The following OSBPL8 variants were observed in gnomAD, a reference collection of about 807,000 sequenced individuals.
The protein encoded by OSBPL8 is oxysterol-binding protein-related protein 8.
OSBPL8 carries 59 observed loss-of-function variants against 125.5 expected under a neutral mutation model. The ratio of observed to expected loss-of-function variants is 0.47; its 90% CI spans 0.38 to 0.58. The LOEUF (loss-of-function observed/expected upper bound fraction) is 0.58. Among genes scored for constraint, OSBPL8 ranks in the 20% least tolerant of loss-of-function variants. The pLI is 0.00. For synonymous variants in OSBPL8, 330 were observed against 338.9 expected, an observed-to-expected ratio of 0.97 and a Z score of 0.29; for missense variants, 758 against 1,047.8, an observed-to-expected ratio of 0.72 and a Z score of 3.82.
chr12:76,434,547 A>C (rs1454215490), intron 4 of OSBPL8, among the ~76,000 whole-genome samples: 2 of 152,192 alleles, frequency 1.3e-5, no homozygotes, highest in East Asian at 1.9e-4. Flanking sequence ...GAAACAATCA[A>C]CATAGTGAAA....
At chr12:76,400,100 A>G (rs1188115932) in intron 6 of OSBPL8, 126 bp from the exon 7 acceptor site, 1 of 681,584 alleles carries the variant, frequency 1.5e-6, no homozygotes, top group African/African-American at 1.8e-5. Flanking sequence ...TGTTGTACAT[A>G]TTTTATCATT....
rs908589470 is a variant in OSBPL8 at position 76,352,920 on chromosome 12, T to G, written c.*2969A>C. On this transcript the variant is annotated 3_prime_UTR_variant, in exon 24 of 24. Transcript: ENST00000261183. ...AATCTGACAAGTCTACATCAATGTC[T>G]GAGTAAAGAATAGGTAAATAGACAA... is the stretch of plus-strand genomic sequence containing the variant. The G allele has an allele frequency of 3.9e-5, 6 of 152,494 alleles. No individual in the cohort carries two copies. The highest frequency in any genetic ancestry group is 1.4e-4 in the African/African-American group (6 of 41,442). 9.4% of individuals were successfully genotyped at this position (152,494 alleles called of 1,614,324 possible).
At chr12:76,508,381 T>C (rs1880636761) in intron 1 of OSBPL8, among the ~76,000 whole-genome samples, 1 of 152,202 alleles carries the variant, frequency 6.6e-6, no homozygotes, top group African/African-American at 2.4e-5. Context: ...TGTATGGCAG[T>C]GGTCTCATTA....
intron 18 of OSBPL8, 113 bp from the exon 19 acceptor site, chr12:76,371,697 A>G (rs1399830895): frequency 8.3e-5 from 83 of 1,003,328 alleles, no homozygotes; most frequent in Non-Finnish European, 1.1e-4. Flanking sequence ...AGTTAAAAGC[A>G]TTTTTAAAAC....
At chr12:76,435,796 A>G (rs1871376379) in intron 4 of OSBPL8, among the ~76,000 whole-genome samples, 1 of 152,190 alleles carries the variant, frequency 6.6e-6, no homozygotes, top group South Asian at 2.1e-4. Flanking sequence ...AAATCACCCT[A>G]GTGGGTCTTC....
At chr12:76,403,410 A>AC (rs2136367041) in intron 5 of OSBPL8, among the ~76,000 whole-genome samples, 1 of 152,298 alleles carries the variant, frequency 6.6e-6, no homozygotes, top group East Asian at 1.9e-4. Context: ...AAAAATAGGC[A>AC]CAACAGATTG....
chr12:76,512,715 T>C (rs902463539), intron 1 of OSBPL8, among the ~76,000 whole-genome samples: 1 of 152,236 alleles, frequency 6.6e-6, no homozygotes, highest in Non-Finnish European at 1.5e-5. Flanking sequence ...TTTCTAGTTC[T>C]GTGAAGAATA....
intron 4 of OSBPL8, among the ~76,000 whole-genome samples, chr12:76,416,865 A>G (rs1868741349): frequency 6.6e-6 from 1 of 150,388 alleles, no homozygotes; most frequent in Non-Finnish European, 1.5e-5. Context: ...GTCCTCTACT[A>G]TCTTGTCTTC....
intron 8 of OSBPL8, among the ~76,000 whole-genome samples, chr12:76,396,249 G>C (rs945800917): frequency 6.6e-6 from 1 of 151,926 alleles, no homozygotes; most frequent in Non-Finnish European, 1.5e-5. Flanking sequence ...TGTGACTCCC[G>C]ACTACTGAAA....
At position 76,421,959 on chromosome 12, in the gene OSBPL8, G is replaced by A. The variant is rs78988557; in HGVS notation, c.218-11325C>T. 2.0e-3 allele frequency among the ~76,000 whole-genome samples: 307 copies of A among 151,926 alleles called. 9 individuals are homozygous for A. In the East Asian group the frequency reaches 0.053, roughly 26 times the overall value. ...ACACAAATACATCTAACAACAAGAG[G>A]AAGCTAAGGTATTTCAAAAACTATA... On this transcript the variant is annotated intron_variant, in intron 4 of 23. Transcript: ENST00000261183.
chr12:76,547,265 G>C (rs938241085), intron 1 of OSBPL8, among the ~76,000 whole-genome samples: 1 of 152,288 alleles, frequency 6.6e-6, no homozygotes, highest in East Asian at 1.9e-4. Context: ...TCACAGAAGA[G>C]AGGGAAATTA....
intron 4 of OSBPL8, among the ~76,000 whole-genome samples, chr12:76,436,132 T>C (rs958377189): frequency 1.3e-5 from 2 of 152,116 alleles, no homozygotes; most frequent in Admixed American, 1.3e-4. Context: ...GTGTCTCCAC[T>C]CCCTTTCCTA....
chr12:76,460,628 C>A (rs187753224), intron 2 of OSBPL8, among the ~76,000 whole-genome samples: 1 of 152,134 alleles, frequency 6.6e-6, no homozygotes, highest in African/African-American at 2.4e-5. Context: ...GAAGACCCAA[C>A]CCTTGAATGA....
Position 76,373,433 on chromosome 12 carries a change from G to C in OSBPL8, c.1828C>G (p.Pro610Ala), listed in dbSNP as rs1370509032. The C allele has an allele frequency of 6.3e-7, 1 of 1,576,980 alleles. No homozygotes were observed. Among genetic ancestry groups the C allele is most frequent in the Admixed American group, 1.8e-5 (1 of 56,244 alleles). ...YSAILEFKLK[P>A]FLGSSDCVNQ... ...ACACAGTCACTACTCCCTAGGAATG[G>C]CTTTTAAACGAGAAAATGTTAAACA... Residue 610 changes from proline (P) to alanine (A), a missense_variant and splice_region_variant, in exon 18 of 24, where the codon CCA becomes GCA. By Grantham distance (27) the Pro-to-Ala change is conservative. Around this residue, in one of 3 missense-constraint regions of OSBPL8, gnomAD observed 572 missense variants for 762.0 expected, o/e 0.75. Coordinates refer to ENST00000261183, the MANE Select transcript of OSBPL8 (RefSeq NM_020841.5).
intron 2 of OSBPL8, among the ~76,000 whole-genome samples, chr12:76,463,535 G>A (rs1874996069): frequency 6.6e-6 from 1 of 152,156 alleles, no homozygotes; most frequent in South Asian, 2.1e-4. Context: ...ATGTATGAGA[G>A]TTATGTTATA....
intron 2 of OSBPL8, among the ~76,000 whole-genome samples, chr12:76,470,899 G>T (rs1876055744): frequency 6.6e-6 from 1 of 152,014 alleles, no homozygotes; most frequent in Non-Finnish European, 1.5e-5. Flanking sequence ...TAAAGCTTTG[G>T]ATTAAATAAA....
At chr12:76,516,389 T>C (rs944654958) in intron 1 of OSBPL8, among the ~76,000 whole-genome samples, 1 of 152,234 alleles carries the variant, frequency 6.6e-6, no homozygotes, top group African/African-American at 2.4e-5. Context: ...AAACTCCATA[T>C]TCTTGTCACA....
chr12:76,420,597 A>C (rs1328141501), intron 4 of OSBPL8, among the ~76,000 whole-genome samples: 1 of 152,082 alleles, frequency 6.6e-6, no homozygotes. Flanking sequence ...AATTAAAATT[A>C]AAAAAGGGTT....
rs148593610 is a variant in OSBPL8, at chr12:76,529,304, C to T, written c.-68+30093G>A. The stretch of plus-strand genomic sequence containing the variant: ...AAATTTAAGAAAACTGGAATCCTTG[C>T]TATTTTTCCCTTCTTGGGCACTTGT... On this transcript the variant is annotated intron_variant, in intron 1 of 23. Coordinates refer to ENST00000261183, the MANE Select transcript of OSBPL8 (RefSeq NM_020841.5). Among the ~76,000 whole-genome samples the T allele has an allele frequency of 1.9e-3, 288 of 152,240 alleles. 2 individuals are homozygous for T. Among genetic ancestry groups the T allele is most frequent in the African/African-American group, 6.5e-3 (272 of 41,548 alleles).
Sources: allele counts gnomAD v4.1 joint callset (sites outside exome capture counted in the v4.1 genomes callset), GRCh38; gene constraint gnomAD v4.1.1; regional missense constraint gnomAD v4.1.1; transcripts MANE v1.5; gene names NCBI Gene and HGNC (gene_info 2026-07-23, HGNC 2026-07-21).